NXPE2: variants seen among roughly 807,000 people sequenced by gnomAD.
NXPE2 encodes the protein neurexophilin and PC-esterase domain family member 2.
In NXPE2, 34 loss-of-function variants were observed where a neutral mutation model predicts 34.4. The ratio of observed to expected loss-of-function variants is 0.99; its 90% CI spans 0.75 to 1.31. NXPE2 has a LOEUF of 1.31. Among genes scored for constraint, NXPE2 ranks in the 40% most tolerant of loss-of-function variants. NXPE2 has a pLI of 0.00. For synonymous variants in NXPE2, 235 were observed against 231.3 expected (o/e 1.02, Z -0.15); for missense variants, 649 against 672.5 (o/e 0.97, Z 0.39).
chr11:114,600,542 T>C, the NXPE2 span, among the ~76,000 whole-genome samples: 1 of 152,052 alleles, frequency 6.6e-6, no homozygotes, highest in Admixed American at 6.6e-5. Flanking sequence ...TAGAAAAAAA[T>C]TGAGTGACGT....
At chr11:114,633,607 T>C in the NXPE2 span, among the ~76,000 whole-genome samples, 9 of 145,474 alleles carry the variant, frequency 6.2e-5, no homozygotes, top group African/African-American at 1.7e-4. Context: ...ATGCTATCCC[T>C]CCCACCCTGC....
At chr11:114,701,818 A>G (rs992827787) in intron 3 of NXPE2, among the ~76,000 whole-genome samples, 3 of 152,232 alleles carry the variant, frequency 2.0e-5, no homozygotes, top group Non-Finnish European at 4.4e-5. Context: ...AGCATTTTCA[A>G]TCAAATGTGG....
chr11:114,711,029 A>G (rs1210695931), downstream of NXPE2, among the ~76,000 whole-genome samples: 1 of 152,182 alleles, frequency 6.6e-6, no homozygotes, highest in Admixed American at 6.5e-5. Flanking sequence ...AAAGCATTTG[A>G]CAAAATTTAA....
the NXPE2 span, among the ~76,000 whole-genome samples, chr11:114,605,008 A>T: frequency 2.6e-5 from 4 of 151,476 alleles, no homozygotes; most frequent in Non-Finnish European, 5.9e-5. Context: ...GCATTGCCTC[A>T]CAGGTAACCA....
At chr11:114,557,060 T>G in the NXPE2 span, among the ~76,000 whole-genome samples, 1 of 151,520 alleles carries the variant, frequency 6.6e-6, no homozygotes, top group Non-Finnish European at 1.5e-5. Flanking sequence ...ACCTGGCCAA[T>G]TTTTTGTAGT....
the NXPE2 span, among the ~76,000 whole-genome samples, chr11:114,468,403 T>A: frequency 6.6e-6 from 1 of 152,174 alleles, no homozygotes; most frequent in African/African-American, 2.4e-5. Context: ...GACATACCAC[T>A]GGGCTTTTGC....
At chr11:114,813,081 A>T in the NXPE2 span, among the ~76,000 whole-genome samples, 1 of 152,186 alleles carries the variant, frequency 6.6e-6, no homozygotes, top group Admixed American at 6.5e-5. Flanking sequence ...GAGAATCTTG[A>T]TAGCTATTTA....
At chr11:114,811,891 T>G in the NXPE2 span, among the ~76,000 whole-genome samples, 1 of 152,228 alleles carries the variant, frequency 6.6e-6, no homozygotes, top group Non-Finnish European at 1.5e-5. Context: ...TTTTCTCATC[T>G]GTAAACTGAG....
At chr11:114,579,163 T>C in the NXPE2 span, among the ~76,000 whole-genome samples, 1 of 152,140 alleles carries the variant, frequency 6.6e-6, no homozygotes, top group Non-Finnish European at 1.5e-5. Context: ...GGAGCCAGTG[T>C]GTCACATGGT....
the NXPE2 span, among the ~76,000 whole-genome samples, chr11:114,505,297 G>A: frequency 1.3e-5 from 2 of 152,260 alleles, no homozygotes; most frequent in South Asian, 2.1e-4. Flanking sequence ...CTTGGAAAAC[G>A]TATTTCAGGA....
chr11:114,722,185 G>A, the NXPE2 span, among the ~76,000 whole-genome samples: 52 of 152,120 alleles, frequency 3.4e-4, no homozygotes, highest in Non-Finnish European at 6.3e-4. Context: ...CATATCAAGG[G>A]AGGGACCTGA....
chr11:114,776,040 G>A, the NXPE2 span, among the ~76,000 whole-genome samples: 6 of 152,276 alleles, frequency 3.9e-5, no homozygotes, highest in Non-Finnish European at 8.8e-5. Flanking sequence ...CACCTCTCCT[G>A]TGGGTCTTTA....
downstream of NXPE2, among the ~76,000 whole-genome samples, chr11:114,707,724 C>T (rs571135370): frequency 8.5e-5 from 13 of 152,294 alleles, no homozygotes; most frequent in African/African-American, 1.7e-4. Flanking sequence ...CCATGGCAAC[C>T]GCCATTGTAT....
At position 114,689,937 on chromosome 11, in the gene NXPE2, A is replaced by G. The variant is rs1028614961; in HGVS notation, c.133-8108A>G. ...ACTTGGCTCTTTTTCCGTTTGTGTCATAGATCTTTCTCCACCCCTTTACTA... is the reference window on the plus strand; with the variant it reads ...ACTTGGCTCTTTTTCCGTTTGTGTCGTAGATCTTTCTCCACCCCTTTACTA... On this transcript the variant is annotated intron_variant, in intron 2 of 5. Transcript: ENST00000389586. 4.6e-5 allele frequency among the ~76,000 whole-genome samples: 7 copies of G among 151,962 alleles called. No individual in the cohort carries two copies. In the South Asian group the frequency reaches 1.0e-3, roughly 22 times the overall value.
the NXPE2 span, among the ~76,000 whole-genome samples, chr11:114,602,420 C>A: frequency 7.7e-6 from 1 of 129,672 alleles, no homozygotes; most frequent in Non-Finnish European, 1.6e-5. Context: ...TTGAACATAT[C>A]AATAAATGTA....
At chr11:114,784,585 A>G in the NXPE2 span, among the ~76,000 whole-genome samples, 1 of 152,178 alleles carries the variant, frequency 6.6e-6, no homozygotes, top group African/African-American at 2.4e-5. Flanking sequence ...GTTCATACTG[A>G]GATGTGAGTG....
the NXPE2 span, among the ~76,000 whole-genome samples, chr11:114,640,518 T>C: frequency 1.3e-5 from 2 of 151,758 alleles, no homozygotes; most frequent in Non-Finnish European, 2.9e-5. Context: ...TTATAGTTCT[T>C]TGAGAAACCT....
At chr11:114,616,755 G>C in the NXPE2 span, among the ~76,000 whole-genome samples, 27,289 of 151,616 alleles carry the variant, frequency 0.18, 3,048 homozygotes, top group African/African-American at 0.26. Flanking sequence ...CGGTTAACCG[G>C]TGGATAATAA....
the NXPE2 span, among the ~76,000 whole-genome samples, chr11:114,476,195 T>G: frequency 6.6e-6 from 1 of 152,170 alleles, no homozygotes; most frequent in East Asian, 1.9e-4. Flanking sequence ...AGCTTTAAAG[T>G]AAAATATTGA....
Sources: allele counts gnomAD v4.1 joint callset (sites outside exome capture counted in the v4.1 genomes callset), GRCh38; gene constraint gnomAD v4.1.1; transcripts MANE v1.5; gene names NCBI Gene and HGNC (gene_info 2026-07-23, HGNC 2026-07-21).